Variants in SI observed in about 807,000 individuals in gnomAD.
The protein encoded by SI is sucrase-isomaltase.
SI carries 235 observed loss-of-function variants against 253.3 expected under a neutral mutation model. That is an observed-to-expected ratio of 0.93 (90% CI 0.83 to 1.03). The LOEUF is 1.03. SI is among the 50% of genes least tolerant of loss of function. The pLI, the probability that SI is intolerant of heterozygous loss-of-function variation, is 0.00. For synonymous variants in SI, 819 were observed against 712.0 expected (o/e 1.15, Z -2.39); for missense variants, 2,442 against 2,211.1 (o/e 1.10, Z -2.09).
rs748153693 is a variant in SI at position 164,991,409 on chromosome 3, A to G, written c.5052T>C (p.His1684=). 6.2e-7 allele frequency: 1 copy of G among 1,613,506 alleles called. No homozygotes were observed. ...FNASYDTINL[H]VRGGHILPCQ... ...ATGGTAGGATGTGACCACCACGGAC[A>G]TGTAGGTTTATTGTGTCATAAGAAG... Residue 1684 remains histidine, a synonymous_variant, in exon 44 of 48, where the codon CAT becomes CAC. Coordinates refer to ENST00000264382, the MANE Select transcript of SI (RefSeq NM_001041.4).
chr3:165,015,346 A>C (rs1323807433), intron 32 of SI, 113 bp from the exon 33 acceptor site: 5 of 731,956 alleles, frequency 6.8e-6, no homozygotes, highest in Non-Finnish European at 1.2e-5. Flanking sequence ...ATGTGCTCTC[A>C]CATTAAATGA....
intron 44 of SI, among the ~76,000 whole-genome samples, chr3:164,990,216 T>C (rs1206234252): frequency 6.6e-6 from 1 of 152,064 alleles, no homozygotes; most frequent in Non-Finnish European, 1.5e-5. Context: ...TTTTGCTGTA[T>C]AAAACTGCTC....
chr3:165,004,374 T>C (rs933224661), intron 37 of SI, among the ~76,000 whole-genome samples: 6 of 152,274 alleles, frequency 3.9e-5, no homozygotes, highest in Admixed American at 3.9e-4. Context: ...ATACAACCAC[T>C]ATGAAGAGCA....
In SI at chr3:165,059,280, A is replaced by G. The variant is rs150428844; in HGVS notation, c.1166T>C (p.Ile389Thr). The G allele has an allele frequency of 1.9e-6, 3 of 1,612,430 alleles. No individual in the cohort carries two copies. The highest frequency in any genetic ancestry group is 1.3e-5 in the African/African-American group (1 of 74,848). Reference sequence around the variant, plus strand: ...GTCTTTCTTGTCTTCCATGTAGTCAATATCAGTGACCTGTGTATCCTGAAA... The same window carrying G: ...GTCTTTCTTGTCTTCCATGTAGTCAGTATCAGTGACCTGTGTATCCTGAAA... ...GIPFDTQVTDIDYMEDKKDFT... is the reference protein window; with the variant it reads ...GIPFDTQVTDTDYMEDKKDFT... Residue 389 changes from isoleucine to threonine, a missense_variant, in exon 11 of 48, where the codon ATT becomes ACT. Ile to Thr is a moderately conservative substitution (Grantham distance 89). Transcript: ENST00000264382.
At chr3:165,069,817 A>G (rs1329027065) in intron 3 of SI, among the ~76,000 whole-genome samples, 1 of 151,946 alleles carries the variant, frequency 6.6e-6, no homozygotes, top group African/African-American at 2.4e-5. Flanking sequence ...ATAAATGTTT[A>G]TTTATAAATA....
intron 18 of SI, 42 bp from the exon 19 acceptor site, chr3:165,040,013 T>G (rs1203774811): frequency 1.4e-6 from 2 of 1,477,972 alleles, no homozygotes; most frequent in Non-Finnish European, 1.9e-6. Flanking sequence ...AATGAAAAAA[T>G]AAGTTTATCC....
chr3:164,982,231 T>C lies in SI; in HGVS notation c.5415+12A>G. ...CGTACGCTTTTGAAAAATATTTTCTTACATTACTTACCATGTTGGTAGTGT... is the reference window on the plus strand; with the variant it reads ...CGTACGCTTTTGAAAAATATTTTCTCACATTACTTACCATGTTGGTAGTGT... On this transcript the variant is annotated intron_variant, in intron 47 of 47. Transcript: ENST00000264382. 1 of 1,606,282 alleles carries C rather than the reference T, an allele frequency of 6.2e-7. No homozygotes were observed. Among genetic ancestry groups the C allele is most frequent in the Non-Finnish European group, 8.5e-7 (1 of 1,173,930 alleles).
chr3:165,013,435 T>C (rs191995391), intron 33 of SI, among the ~76,000 whole-genome samples: 10 of 152,228 alleles, frequency 6.6e-5, no homozygotes, highest in African/African-American at 1.7e-4. Context: ...ATCTTTTTGT[T>C]TGAAAGGAAG....
intron 4 of SI, 38 bp downstream of exon 4, chr3:165,069,040 T>C (rs1234935524): frequency 2.2e-6 from 3 of 1,363,988 alleles, no homozygotes; most frequent in Non-Finnish European, 3.2e-6. Flanking sequence ...CCAGTTAGAA[T>C]ATATCATATT....
At chr3:165,027,842 G>A (rs188128653) in intron 25 of SI, among the ~76,000 whole-genome samples, 28 of 151,588 alleles carry the variant, frequency 1.8e-4, no homozygotes, top group African/African-American at 5.1e-4. Flanking sequence ...AATACTGAAT[G>A]GGGAAAAGTT....
intron 27 of SI, 136 bp downstream of exon 27, chr3:165,021,093 G>T (rs1028456909): frequency 1.1e-5 from 8 of 714,928 alleles, no homozygotes; most frequent in Middle Eastern, 3.8e-4. Flanking sequence ...TATTAAAATG[G>T]GCAAAGTTAT....
intron 12 of SI, among the ~76,000 whole-genome samples, chr3:165,057,461 T>C (rs556907984): frequency 3.6e-4 from 54 of 152,018 alleles, no homozygotes; most frequent in African/African-American, 1.3e-3. Flanking sequence ...TAGAGAAAGA[T>C]ATCAATATTG....
In SI at chr3:164,996,790, A is replaced by C. The variant is rs111418304; in HGVS notation, c.4541-18T>G. ...CATCATACCTGAAAAAGTTAGAAAA[A>C]ATATCTTAGAAAGTTATTATTTCAT... On this transcript the variant is annotated intron_variant, in intron 38 of 47. Transcript: ENST00000264382. 1.7e-4 allele frequency: 166 copies of C among 961,922 alleles called. 4 individuals are homozygous for C. In the African/African-American group the frequency reaches 2.2e-3, roughly 13 times the overall value. The allele number at this position is 961,922 out of a possible 1,614,324, so 59.6% of individuals were successfully genotyped here.
chr3:165,070,152 AT>A (rs1370252571), intron 3 of SI, among the ~76,000 whole-genome samples: 1 of 141,418 alleles, frequency 7.1e-6, no homozygotes, highest in African/African-American at 2.6e-5. Context: ...ATGTATATTT[AT>A]TATATATAAA....
upstream of SI, among the ~76,000 whole-genome samples, chr3:165,080,458 T>C (rs993340971): frequency 6.6e-6 from 1 of 152,026 alleles, no homozygotes; most frequent in African/African-American, 2.4e-5. Flanking sequence ...CACATGTATG[T>C]TTATTGTGGC....
intron 28 of SI, among the ~76,000 whole-genome samples, chr3:165,018,523 C>A (rs1011430236): frequency 6.7e-6 from 1 of 149,970 alleles, no homozygotes; most frequent in Admixed American, 6.7e-5. Flanking sequence ...CAGAAAATAT[C>A]TTGTTTATAT....
intron 37 of SI, among the ~76,000 whole-genome samples, chr3:165,004,651 G>A (rs1188369870): frequency 6.6e-6 from 1 of 152,130 alleles, no homozygotes; most frequent in Non-Finnish European, 1.5e-5. Flanking sequence ...CGACATGTAG[G>A]AAACTGGAAG....
intron 37 of SI, among the ~76,000 whole-genome samples, chr3:165,003,250 T>A (rs1718339431): frequency 6.6e-6 from 1 of 151,938 alleles, no homozygotes; most frequent in Non-Finnish European, 1.5e-5. Flanking sequence ...TTTTTTCAAT[T>A]TTTGTTAAGC....
intron 37 of SI, among the ~76,000 whole-genome samples, chr3:164,999,833 C>T (rs1389391755): frequency 6.6e-6 from 1 of 151,530 alleles, no homozygotes; most frequent in African/African-American, 2.4e-5. Flanking sequence ...ACATATTGAA[C>T]CATCACTTGC....
Sources: allele counts gnomAD v4.1 joint callset (sites outside exome capture counted in the v4.1 genomes callset), GRCh38; gene constraint gnomAD v4.1.1; transcripts MANE v1.5; gene names NCBI Gene and HGNC (gene_info 2026-07-23, HGNC 2026-07-21).